SLC25A13: variants seen among roughly 807,000 people sequenced by gnomAD.
The protein encoded by SLC25A13 is solute carrier family 25 member 13.
In SLC25A13, 70 loss-of-function variants were observed where a neutral mutation model predicts 85.5. That is an observed-to-expected ratio of 0.82 (90% CI 0.68 to 1.00). SLC25A13 has a LOEUF of 1.00. Among genes scored for constraint, SLC25A13 ranks in the 50% least tolerant of loss-of-function variants. The pLI is 0.00. For missense variants in SLC25A13, 765 were observed against 819.8 expected (o/e 0.93, Z 0.82); for synonymous variants, 259 against 288.7 (o/e 0.90, Z 1.04).
intron 3 of SLC25A13, among the ~76,000 whole-genome samples, chr7:96,274,081 A>G (rs2116929809): frequency 6.6e-6 from 1 of 152,330 alleles, no homozygotes; most frequent in Admixed American, 6.5e-5. Flanking sequence ...TGCCGCTGGA[A>G]CAGAGAGAGA....
chr7:96,274,801 C>G (rs1054561685), intron 3 of SLC25A13, among the ~76,000 whole-genome samples: 4 of 152,266 alleles, frequency 2.6e-5, no homozygotes, highest in South Asian at 4.1e-4. Context: ...TCAGGTTTGT[C>G]AAAGATCAGA....
intron 1 of SLC25A13, among the ~76,000 whole-genome samples, chr7:96,304,520 T>C (rs1799668811): frequency 6.6e-6 from 1 of 152,244 alleles, no homozygotes; most frequent in South Asian, 2.1e-4. Context: ...AGCTGGGTTC[T>C]GTTATGCCAA....
At chr7:96,164,435 C>T (rs529535198) in intron 13 of SLC25A13, among the ~76,000 whole-genome samples, 13 of 152,278 alleles carry the variant, frequency 8.5e-5, no homozygotes, top group African/African-American at 2.9e-4. Flanking sequence ...TGAAAAAGAA[C>T]AGATTATTGT....
At chr7:96,161,989 A>T (rs1480630806) in intron 13 of SLC25A13, among the ~76,000 whole-genome samples, 1 of 152,372 alleles carries the variant, frequency 6.6e-6, no homozygotes, top group East Asian at 1.9e-4. Flanking sequence ...TATCTTGATT[A>T]ATTCACATGT....
At chr7:96,163,479 C>T (rs992520529) in intron 13 of SLC25A13, among the ~76,000 whole-genome samples, 6 of 152,130 alleles carry the variant, frequency 3.9e-5, no homozygotes, top group African/African-American at 7.2e-5. Flanking sequence ...GGCTGAGCCC[C>T]GTCAATCCAT....
Position 96,190,699 on chromosome 7 carries a change from G to A in SLC25A13, c.754+410C>T, listed in dbSNP as rs368179214. Among the ~76,000 whole-genome samples, 41 of 151,828 alleles carry A rather than the reference G, an allele frequency of 2.7e-4. No homozygotes were observed. The East Asian group carries it at 6.6e-3, about 24-fold the overall frequency. ...GTGATCTCGGCTCACTGCAACCTTC[G>A]CCTCCCAGGTTCAAGCGATTCTTCT... On this transcript the variant is annotated intron_variant, in intron 7 of 17. Coordinates refer to ENST00000265631, the MANE Select transcript of SLC25A13 (RefSeq NM_014251.3).
chr7:96,139,945 CTTTTTTTTTTTTTTTT>C lies in SLC25A13; in HGVS notation c.1452+6595_1452+6610del, dbSNP rs59749381. Among the ~76,000 whole-genome samples, 262 of 86,374 alleles carry C rather than the reference CTTTTTTTTTTTTTTTT, an allele frequency of 3.0e-3. 5 individuals carry two copies. The highest frequency in any genetic ancestry group is 0.018 in the Middle Eastern group (2 of 114). The allele number at this position is 86,374 out of a possible 152,430, so 56.7% of individuals were successfully genotyped here. Reference sequence around the variant, plus strand: ...CTCCTTCAGATATCTGATTTCCATTCTTTTTTTTTTTTTTTTTTTTTTTTTTTTTTTGAGACGGAGT... The same window carrying C: ...CTCCTTCAGATATCTGATTTCCATTCTTTTTTTTTTTTTTTGAGACGGAGT... On this transcript the variant is annotated intron_variant, in intron 14 of 17. Transcript: ENST00000265631.
intron 3 of SLC25A13, among the ~76,000 whole-genome samples, chr7:96,266,161 G>T (rs1426870228): frequency 6.6e-6 from 1 of 152,174 alleles, no homozygotes; most frequent in Non-Finnish European, 1.5e-5. Context: ...TATCAACATG[G>T]TGAAAAAGGT....
intron 11 of SLC25A13, among the ~76,000 whole-genome samples, chr7:96,175,377 G>C (rs1428565724): frequency 2.0e-5 from 3 of 152,184 alleles, no homozygotes; most frequent in African/African-American, 7.2e-5. Flanking sequence ...ATTATTAATA[G>C]TAGTGATAAT....
intron 3 of SLC25A13, among the ~76,000 whole-genome samples, chr7:96,265,221 G>A (rs1034942607): frequency 6.6e-6 from 1 of 152,090 alleles, no homozygotes; most frequent in African/African-American, 2.4e-5. Context: ...TGTTACCCAT[G>A]CATAATTTTG....
Position 96,277,354 on chromosome 7 carries a change from A to G in SLC25A13, c.70-16T>C, listed in dbSNP as rs1243097590. 2 of 1,602,932 alleles carry G rather than the reference A, an allele frequency of 1.2e-6. No homozygotes were observed. Among genetic ancestry groups the G allele is most frequent in the Admixed American group, 1.7e-5 (1 of 59,546 alleles). ...TGCTTGCATACTGTTTAAAAAAAAG[A>G]AAAACAGTATTTTATATATTTGATT... On this transcript the variant is annotated splice_polypyrimidine_tract_variant and intron_variant, in intron 2 of 17. Coordinates refer to ENST00000265631, the MANE Select transcript of SLC25A13 (RefSeq NM_014251.3).
At chr7:96,171,599 G>C (rs1465274395) in intron 11 of SLC25A13, 75 bp from the exon 12 acceptor site, 32 of 1,301,782 alleles carry the variant, frequency 2.5e-5, no homozygotes, top group Admixed American at 3.6e-5. Flanking sequence ...TCTACAGAGG[G>C]GATTACCACT....
At chr7:96,274,299 A>C (rs958163652) in intron 3 of SLC25A13, among the ~76,000 whole-genome samples, 2 of 152,056 alleles carry the variant, frequency 1.3e-5, no homozygotes, top group Admixed American at 6.6e-5. Flanking sequence ...GGCTACATAA[A>C]TGTCTTCTTT....
intron 13 of SLC25A13, among the ~76,000 whole-genome samples, chr7:96,164,329 A>G (rs1793648542): frequency 6.6e-6 from 1 of 152,180 alleles, no homozygotes; most frequent in South Asian, 2.1e-4. Flanking sequence ...GCTGATTGCC[A>G]TTTGTGTGAG....
At chr7:96,149,369 T>A (rs1792928603) in intron 13 of SLC25A13, among the ~76,000 whole-genome samples, 1 of 152,314 alleles carries the variant, frequency 6.6e-6, no homozygotes, top group African/African-American at 2.4e-5. Flanking sequence ...TTATCTCTTA[T>A]CTTTACTAAC....
chr7:96,322,064 G>T lies in SLC25A13; in HGVS notation c.-108C>A, dbSNP rs1336633474. ...CGGCGGCGGCGGCGGTGGGGGCGGC[G>T]ATACGGCCAGGCAGCGTGCGTTCCT... is the stretch of plus-strand genomic sequence containing the variant. On this transcript the variant is annotated 5_prime_UTR_variant, in exon 1 of 18. Coordinates refer to ENST00000265631, the MANE Select transcript of SLC25A13 (RefSeq NM_014251.3). 3 of 1,432,014 alleles carry T rather than the reference G, an allele frequency of 2.1e-6. No individual in the cohort carries two copies. Among genetic ancestry groups the T allele is most frequent in the South Asian group, 2.5e-5 (2 of 79,264 alleles). The allele number at this position is 1,432,014 out of a possible 1,614,324, so 88.7% of individuals were successfully genotyped here.
intron 5 of SLC25A13, among the ~76,000 whole-genome samples, chr7:96,207,261 CATA>C (rs1795498108): frequency 6.6e-6 from 1 of 152,134 alleles, no homozygotes. Flanking sequence ...TTATATGAAT[CATA>C]ATAATACCAT....
chr7:96,280,711 T>C (rs1798644315), intron 2 of SLC25A13, among the ~76,000 whole-genome samples: 1 of 151,710 alleles, frequency 6.6e-6, no homozygotes, highest in Non-Finnish European at 1.5e-5. Flanking sequence ...TGAGACCCTG[T>C]CTCAAAACAT....
At position 96,131,851 on chromosome 7, in the gene SLC25A13, G is replaced by T. The variant is rs761992118; in HGVS notation, c.1483C>A (p.Pro495Thr). 7 of 1,613,860 alleles carry T rather than the reference G, an allele frequency of 4.3e-6. No individual in the cohort carries two copies. Among genetic ancestry groups the T allele is most frequent in the Non-Finnish European group, 1.7e-6 (2 of 1,179,994 alleles). ...CACGGAAAGTAGATGGCCGAGAAAG[G>T]AATGTCCCGCAGAAAGCATGCTTTG... The part of the protein sequence containing the change: ...GAKACFLRDI[P>T]FSAIYFPCYA... The change falls in exon 15 of 18, where the codon CCT becomes ACT. Residue 495 changes from proline to threonine, a missense_variant. Coordinates refer to ENST00000265631, the MANE Select transcript of SLC25A13 (RefSeq NM_014251.3).
Sources: allele counts gnomAD v4.1 joint callset (sites outside exome capture counted in the v4.1 genomes callset), GRCh38; gene constraint gnomAD v4.1.1; transcripts MANE v1.5; gene names NCBI Gene and HGNC (gene_info 2026-07-23, HGNC 2026-07-21).